The following ZNF330 variants were observed in gnomAD, a reference collection of about 807,000 sequenced individuals.
ZNF330 encodes the protein zinc finger protein 330.
A neutral mutation model predicts 45.5 loss-of-function variants in ZNF330; 31 were observed. The observed-to-expected ratio is 0.68, with a 90% CI of 0.51 to 0.92. The LOEUF is 0.92. ZNF330 is among the 40% of genes least tolerant of loss of function. The pLI is 0.00. For missense variants in ZNF330, 356 were observed against 387.4 expected (o/e 0.92, Z 0.68); for synonymous variants, 138 against 123.2 (o/e 1.12, Z -0.79).
At chr4:141,227,191 T>C (rs552532677) in intron 5 of ZNF330, among the ~76,000 whole-genome samples, 1 of 152,016 alleles carries the variant, frequency 6.6e-6, no homozygotes, top group East Asian at 1.9e-4. Context: ...GCAGGTTTGT[T>C]ACATATGTAT....
chr4:141,229,520 T>A, intron 5 of ZNF330, 51 bp from the exon 6 acceptor site: 1 of 1,607,918 alleles, frequency 6.2e-7, no homozygotes, highest in Non-Finnish European at 8.5e-7. Flanking sequence ...TAAAGAATGG[T>A]TGCAGGTGGT....
Position 141,221,529 on chromosome 4 carries a change from A to T in ZNF330, c.-7+421A>T, listed in dbSNP as rs577316248. Among the ~76,000 whole-genome samples, 13 of 152,272 alleles carry T rather than the reference A, an allele frequency of 8.5e-5. No individual in the cohort carries two copies. In the East Asian group the frequency reaches 2.5e-3, roughly 29 times the overall value. On this transcript the variant is annotated intron_variant, in intron 1 of 9. Transcript: ENST00000262990. ...CACGCCCTCTAGATTTTGTCATTTT[A>T]CATATTGGAATGGTGCCTTAGTGGT...
chr4:141,221,496 C>CA (rs1728676507), intron 1 of ZNF330, among the ~76,000 whole-genome samples: 1 of 152,122 alleles, frequency 6.6e-6, no homozygotes, highest in Admixed American at 6.5e-5. Flanking sequence ...GTTCTTTGGC[C>CA]AGGGCAGCAC....
chr4:141,224,163 G>A, intron 2 of ZNF330: 1 of 396,322 alleles, frequency 2.5e-6, no homozygotes, highest in Non-Finnish European at 4.6e-6. Flanking sequence ...GGCTTAGAAT[G>A]TACTTAACTA....
At position 141,220,967 on chromosome 4, in the gene ZNF330, C is replaced by T. The variant is rs558118453; in HGVS notation, c.-148C>T. 1 of 152,454 alleles carries T rather than the reference C, an allele frequency of 6.6e-6. No homozygotes were observed. Among genetic ancestry groups the T allele is most frequent in the South Asian group, 2.1e-4 (1 of 4,830 alleles). The allele number at this position is 152,454 out of a possible 1,614,324, so 9.4% of individuals were successfully genotyped here. A position where few individuals can be genotyped will look rare whatever the true frequency, so the allele number is the denominator to read the frequency against. On this transcript the variant is annotated 5_prime_UTR_variant, in exon 1 of 10. Coordinates refer to ENST00000262990, the MANE Select transcript of ZNF330 (RefSeq NM_014487.6). ...CTGTCAGCCTCCCTGGCTGTTAGTA[C>T]CTTCTTTCCCGGAGTCCTGGTCCAC...
Position 141,224,489 on chromosome 4 carries a change from A to C in ZNF330, c.123A>C (p.Glu41Asp). 1 of 1,607,038 alleles carries C rather than the reference A, an allele frequency of 6.2e-7. No homozygotes were observed. Among genetic ancestry groups the C allele is most frequent in the Non-Finnish European group, 8.5e-7 (1 of 1,175,350 alleles). The change falls in exon 3 of 10, where the codon GAA (glutamate) becomes GAC (aspartate). Residue 41 changes from glutamate (E) to aspartate (D), a missense_variant and splice_region_variant. Coordinates refer to ENST00000262990, the MANE Select transcript of ZNF330 (RefSeq NM_014487.6). ...LAKHPCNASM[E>D]CDKCQRRQKN... Reference sequence around the variant, plus strand: ...TGTGATATTTTTATATGTTACAGGAATGTGACAAGTGTCAGAGGTAAATTT... The same window carrying C: ...TGTGATATTTTTATATGTTACAGGACTGTGACAAGTGTCAGAGGTAAATTT...
At chr4:141,224,821 T>G in intron 4 of ZNF330, 144 bp downstream of exon 4, 1 of 678,732 alleles carries the variant, frequency 1.5e-6, no homozygotes, top group Non-Finnish European at 2.4e-6. Flanking sequence ...TAACAAAACA[T>G]GTTATTTTGC....
chr4:141,229,197 AATT>A (rs1728885860), intron 5 of ZNF330, among the ~76,000 whole-genome samples: 1 of 151,630 alleles, frequency 6.6e-6, no homozygotes, highest in Admixed American at 6.6e-5. Flanking sequence ...TAGTTACAGG[AATT>A]ATTATAGACA....
At chr4:141,223,882 G>A (rs991881943) in intron 2 of ZNF330, 6 of 445,018 alleles carry the variant, frequency 1.3e-5, no homozygotes, top group Non-Finnish European at 2.2e-5. Flanking sequence ...AAAAGTGTTC[G>A]AATAAGTAAA....
intron 5 of ZNF330, 124 bp downstream of exon 5, chr4:141,226,970 T>C (rs1728820224): frequency 2.9e-6 from 2 of 696,248 alleles, no homozygotes; most frequent in African/African-American, 1.8e-5. Context: ...TCTGTAGTTA[T>C]CTGGATTATG....
rs1011750934 is a variant in ZNF330, at chr4:141,221,123, G to A, written c.-7+15G>A. On this transcript the variant is annotated intron_variant, in intron 1 of 9. Transcript: ENST00000262990. ...GCGCGCACGAGGTAGGGTGTCCCGCGGGCGGGTGACGGTTGCGGGTCCCCG... is the reference window on the plus strand; with the variant it reads ...GCGCGCACGAGGTAGGGTGTCCCGCAGGCGGGTGACGGTTGCGGGTCCCCG... 1 of 152,254 alleles carries A rather than the reference G, an allele frequency of 6.6e-6. No individual in the cohort carries two copies. The highest frequency in any genetic ancestry group is 1.5e-5 in the Non-Finnish European group (1 of 68,060). 9.4% of individuals were successfully genotyped at this position (152,254 alleles called of 1,614,324 possible). A position where few individuals can be genotyped will look rare whatever the true frequency, so the allele number is the denominator to read the frequency against.
chr4:141,226,887 G>A (rs778495946), intron 5 of ZNF330, 41 bp downstream of exon 5: 6 of 1,485,190 alleles, frequency 4.0e-6, no homozygotes, highest in Admixed American at 3.8e-5. Context: ...CGTTTTCAAG[G>A]ATAAGAAAAT....
Position 141,234,073 on chromosome 4 carries a change from CCTTAGCCA to C in ZNF330, c.*92_*99del. The stretch of plus-strand genomic sequence containing the variant: ...AATTGTGTGTGGTTGTTCAAAAGTA[CCTTAGCCA>C]CTTAGCCTTGTGCAGAAGACTAGTT... On this transcript the variant is annotated 3_prime_UTR_variant, in exon 10 of 10. Coordinates refer to ENST00000262990, the MANE Select transcript of ZNF330 (RefSeq NM_014487.6). 1 of 1,515,048 alleles carries C rather than the reference CCTTAGCCA, an allele frequency of 6.6e-7. No homozygotes were observed. Among genetic ancestry groups the C allele is most frequent in the Non-Finnish European group, 8.8e-7 (1 of 1,137,584 alleles). The allele number at this position is 1,515,048 out of a possible 1,614,324, so 93.9% of individuals were successfully genotyped here.
chr4:141,225,958 C>T (rs1402777603), intron 4 of ZNF330, among the ~76,000 whole-genome samples: 1 of 152,046 alleles, frequency 6.6e-6, no homozygotes, highest in South Asian at 2.1e-4. Flanking sequence ...TCCAGTTTCT[C>T]TTCCCATTTC....
chr4:141,228,847 G>A (rs1258518995), intron 5 of ZNF330, among the ~76,000 whole-genome samples: 1 of 151,954 alleles, frequency 6.6e-6, no homozygotes, highest in Non-Finnish European at 1.5e-5. Flanking sequence ...TGGGCCCCAT[G>A]CTTTTCCTTT....
chr4:141,229,720 T>A (rs1728904378), intron 6 of ZNF330, 23 bp downstream of exon 6: 5 of 1,612,360 alleles, frequency 3.1e-6, no homozygotes, highest in Non-Finnish European at 3.4e-6. Flanking sequence ...ACACAAGTAA[T>A]GAGCTTTGTT....
intron 5 of ZNF330, among the ~76,000 whole-genome samples, chr4:141,228,319 A>G (rs1056576203): frequency 3.3e-5 from 5 of 152,170 alleles, no homozygotes; most frequent in African/African-American, 1.2e-4. Context: ...ACATAAAGAA[A>G]ACATTTAAGT....
At chr4:141,223,288 CTTAAA>C (rs566544634) in intron 2 of ZNF330, among the ~76,000 whole-genome samples, 313 of 152,174 alleles carry the variant, frequency 2.1e-3, no homozygotes, top group African/African-American at 7.2e-3. Context: ...AGAAATCTAA[CTTAAA>C]TTAATCTTAG....
In ZNF330 at chr4:141,224,731, A is replaced by G. The variant is rs1009229786; in HGVS notation, c.211+54A>G. The G allele has an allele frequency of 4.0e-6, 6 of 1,486,838 alleles. No individual in the cohort carries two copies. In the African/African-American group the frequency reaches 4.1e-5, roughly 10 times the overall value. 92.1% of individuals were successfully genotyped at this position (1,486,838 alleles called of 1,614,324 possible). ...CTTTTTATCAACTGGTAGTTCAACAATTTGAACTTGGGTGGGTTTGTTGCT... is the reference window on the plus strand; with the variant it reads ...CTTTTTATCAACTGGTAGTTCAACAGTTTGAACTTGGGTGGGTTTGTTGCT... On this transcript the variant is annotated intron_variant, in intron 4 of 9. Coordinates refer to ENST00000262990, the MANE Select transcript of ZNF330 (RefSeq NM_014487.6).
Sources: gnomAD v4.1 joint callset for allele counts (sites outside exome capture counted in the v4.1 genomes callset) on GRCh38, gnomAD v4.1.1 for gene constraint, MANE v1.5 for transcripts, NCBI Gene and HGNC (gene_info 2026-07-23, HGNC 2026-07-21) for gene names.